CSMD3: variants seen among roughly 807,000 people sequenced by gnomAD.
The protein encoded by CSMD3 is CUB and Sushi multiple domains 3.
CSMD3 carries 177 observed loss-of-function variants against 435.2 expected under a neutral mutation model. That is an observed-to-expected ratio of 0.41 (90% CI 0.36 to 0.46). The LOEUF (loss-of-function observed/expected upper bound fraction) is 0.46. CSMD3 is among the 20% of genes least tolerant of loss of function. The pLI, the probability that CSMD3 is intolerant of heterozygous loss-of-function variation, is 0.34. For missense variants in CSMD3, 4,265 were observed against 4,504.6 expected, an observed-to-expected ratio of 0.95 and a Z score of 1.52; for synonymous variants, 1,656 against 1,520.5, an observed-to-expected ratio of 1.09 and a Z score of -2.07.
chr8:112,593,362 T>C (rs902299935), intron 22 of CSMD3, among the ~76,000 whole-genome samples: 4 of 152,066 alleles, frequency 2.6e-5, no homozygotes, highest in Admixed American at 2.0e-4. Flanking sequence ...ACTAAAGCAA[T>C]GGAGGAAGAG....
intron 5 of CSMD3, among the ~76,000 whole-genome samples, chr8:113,044,753 A>G (rs2087760744): frequency 6.7e-6 from 1 of 148,802 alleles, no homozygotes; most frequent in Admixed American, 6.7e-5. Context: ...TTTTTAACCT[A>G]TTTCATTTTC....
chr8:112,380,327 G>T (rs2131233712), intron 38 of CSMD3, 25 bp downstream of exon 38: 1 of 1,231,198 alleles, frequency 8.1e-7, no homozygotes, highest in Non-Finnish European at 1.2e-6. Flanking sequence ...TAACCTTTTT[G>T]AATGGCACAT....
chr8:112,239,033 T>G lies in CSMD3; in HGVS notation c.10469-1685A>C, dbSNP rs550064076. 5.3e-5 allele frequency among the ~76,000 whole-genome samples: 8 copies of G among 152,194 alleles called. No individual in the cohort carries two copies. In the South Asian group the frequency reaches 1.7e-3, roughly 32 times the overall value. Reference sequence around the variant, plus strand: ...TGCACCTGTAACAATAGCTGAGCCTTGGCCAATCCCAGCAGCTGTACTTCT... The same window carrying G: ...TGCACCTGTAACAATAGCTGAGCCTGGGCCAATCCCAGCAGCTGTACTTCT... On this transcript the variant is annotated intron_variant, in intron 66 of 70. Coordinates refer to ENST00000297405, the MANE Select transcript of CSMD3 (RefSeq NM_198123.2).
At chr8:112,409,765 T>C (rs1832173219) in intron 32 of CSMD3, among the ~76,000 whole-genome samples, 2 of 152,060 alleles carry the variant, frequency 1.3e-5, no homozygotes, top group South Asian at 4.1e-4. Context: ...TTTAATTACA[T>C]ACTAAACTTA....
intron 38 of CSMD3, among the ~76,000 whole-genome samples, chr8:112,353,485 A>G (rs1461080682): frequency 6.6e-6 from 1 of 152,226 alleles, no homozygotes; most frequent in African/African-American, 2.4e-5. Flanking sequence ...ATAAGGAGAT[A>G]ACAATGTAAT....
intron 32 of CSMD3, among the ~76,000 whole-genome samples, chr8:112,416,911 G>A (rs1811972569): frequency 6.6e-6 from 1 of 152,090 alleles, no homozygotes; most frequent in Non-Finnish European, 1.5e-5. Context: ...AGAGGTTGTA[G>A]TGAATTCAGC....
intron 1 of CSMD3, among the ~76,000 whole-genome samples, chr8:113,398,025 TTAAG>T (rs2094492379): frequency 1.3e-5 from 2 of 152,046 alleles, no homozygotes; most frequent in Non-Finnish European, 2.9e-5. Flanking sequence ...GTTGTGAACA[TTAAG>T]TGAGTTTGAG....
At chr8:113,346,461 A>T (rs2094151810) in intron 1 of CSMD3, among the ~76,000 whole-genome samples, 1 of 152,152 alleles carries the variant, frequency 6.6e-6, no homozygotes, top group South Asian at 2.1e-4. Context: ...TAATTCAAAT[A>T]AAGGTATGCT....
chr8:112,884,255 C>T (rs995910804), intron 10 of CSMD3, among the ~76,000 whole-genome samples: 5 of 151,722 alleles, frequency 3.3e-5, no homozygotes, highest in Non-Finnish European at 7.4e-5. Flanking sequence ...GTGAGAGTAT[C>T]ACTCTCAGTT....
chr8:112,876,257 G>A (rs969713417), intron 10 of CSMD3, among the ~76,000 whole-genome samples: 1 of 152,070 alleles, frequency 6.6e-6, no homozygotes, highest in Admixed American at 6.6e-5. Context: ...GGTACAAAGA[G>A]GAACTGGTAC....
chr8:113,183,798 G>C (rs2092458505), intron 3 of CSMD3, among the ~76,000 whole-genome samples: 2 of 151,956 alleles, frequency 1.3e-5, no homozygotes, highest in Admixed American at 1.3e-4. Flanking sequence ...TCAGGGTAAT[G>C]GGTTCTTGTG....
chr8:112,258,591 C>T (rs949646144), intron 61 of CSMD3, among the ~76,000 whole-genome samples: 1 of 152,170 alleles, frequency 6.6e-6, no homozygotes, highest in African/African-American at 2.4e-5. Context: ...CATCTCATGC[C>T]AGTTAGAATG....
chr8:112,606,721 T>A (rs1490853229), intron 22 of CSMD3, among the ~76,000 whole-genome samples: 1 of 151,776 alleles, frequency 6.6e-6, no homozygotes, highest in Non-Finnish European at 1.5e-5. Flanking sequence ...CAACTAGAAG[T>A]TGGTAACAGG....
chr8:112,278,618 C>G (rs1818317647), intron 59 of CSMD3, among the ~76,000 whole-genome samples: 1 of 152,116 alleles, frequency 6.6e-6, no homozygotes, highest in Non-Finnish European at 1.5e-5. Context: ...AGGGGAAAGG[C>G]TGGCACACTG....
chr8:112,806,780 C>T (rs1314831088), intron 12 of CSMD3, among the ~76,000 whole-genome samples: 3 of 152,250 alleles, frequency 2.0e-5, no homozygotes, highest in African/African-American at 7.2e-5. Flanking sequence ...CGATCACAAA[C>T]CTATACCACT....
chr8:112,552,917 C>T (rs1417260982), intron 25 of CSMD3, among the ~76,000 whole-genome samples, 197 bp from the exon 26 acceptor site: 1 of 151,860 alleles, frequency 6.6e-6, no homozygotes, highest in African/African-American at 2.4e-5. Flanking sequence ...AGTTAGAGCA[C>T]AAAAAAGACA....
At chr8:112,390,243 G>C (rs572768486) in intron 36 of CSMD3, among the ~76,000 whole-genome samples, 1 of 152,282 alleles carries the variant, frequency 6.6e-6, no homozygotes, top group African/African-American at 2.4e-5. Context: ...TTCTGTTTTA[G>C]CTGCTGGCCA....
chr8:112,931,488 C>G (rs1311513289), intron 9 of CSMD3, among the ~76,000 whole-genome samples: 1 of 148,296 alleles, frequency 6.7e-6, no homozygotes, highest in Non-Finnish European at 1.5e-5. Flanking sequence ...AACTATAAAA[C>G]TACTAAAAAA....
At chr8:112,663,181 G>A (rs530556263) in intron 17 of CSMD3, among the ~76,000 whole-genome samples, 31 of 152,054 alleles carry the variant, frequency 2.0e-4, no homozygotes, top group African/African-American at 6.8e-4. Context: ...AAAGACACAC[G>A]CACATGTATG....
Sources: allele counts gnomAD v4.1 joint callset (sites outside exome capture counted in the v4.1 genomes callset), GRCh38; gene constraint gnomAD v4.1.1; transcripts MANE v1.5; gene names NCBI Gene and HGNC (gene_info 2026-07-23, HGNC 2026-07-21).